Variants in L3MBTL4 observed in about 807,000 individuals in gnomAD.
L3MBTL4 encodes L3MBTL histone methyl-lysine binding protein 4.
L3MBTL4 carries 70 observed loss-of-function variants against 84.5 expected under a neutral mutation model. That is an observed-to-expected ratio of 0.83 (90% CI 0.68 to 1.01). The LOEUF (loss-of-function observed/expected upper bound fraction) is 1.01. Among genes scored for constraint, L3MBTL4 ranks in the 50% least tolerant of loss-of-function variants. L3MBTL4 has a pLI of 0.00. For missense variants in L3MBTL4, 715 were observed against 754.8 expected, an observed-to-expected ratio of 0.95 and a Z score of 0.62; for synonymous variants, 274 against 259.8, an observed-to-expected ratio of 1.05 and a Z score of -0.52.
At chr18:5,994,538 T>G (rs1307498854) in intron 16 of L3MBTL4, among the ~76,000 whole-genome samples, 10 of 152,156 alleles carry the variant, frequency 6.6e-5, no homozygotes, top group Admixed American at 6.5e-4. Context: ...AGGGGTAAAT[T>G]TGCCCACAGT....
chr18:6,120,907 A>ACC (rs2059501094), intron 14 of L3MBTL4, among the ~76,000 whole-genome samples: 1 of 152,182 alleles, frequency 6.6e-6, no homozygotes, highest in Non-Finnish European at 1.5e-5. Context: ...GAGCTATTAT[A>ACC]AATAGCGCTG....
chr18:5,994,687 G>C (rs1301432417), intron 16 of L3MBTL4, among the ~76,000 whole-genome samples: 1 of 152,108 alleles, frequency 6.6e-6, no homozygotes, highest in African/African-American at 2.4e-5. Flanking sequence ...CAGCGACAGA[G>C]AGTTACCTCC....
At chr18:6,269,252 G>A (rs1212972715) in intron 4 of L3MBTL4, among the ~76,000 whole-genome samples, 1 of 152,122 alleles carries the variant, frequency 6.6e-6, no homozygotes, top group Admixed American at 6.5e-5. Context: ...ACGAGGTCAG[G>A]AGATCGAGAC....
At chr18:6,084,049 G>A (rs2058173973) in intron 15 of L3MBTL4, among the ~76,000 whole-genome samples, 1 of 152,178 alleles carries the variant, frequency 6.6e-6, no homozygotes, top group Non-Finnish European at 1.5e-5. Context: ...TTAACATGAA[G>A]TAGGAAATAT....
At chr18:6,249,517 T>C (rs1221731710) in intron 5 of L3MBTL4, among the ~76,000 whole-genome samples, 2 of 152,174 alleles carry the variant, frequency 1.3e-5, no homozygotes, top group African/African-American at 4.8e-5. Flanking sequence ...TCCATAATGT[T>C]GCAAGTAACA....
chr18:6,134,705 G>A (rs1043542065), intron 14 of L3MBTL4, among the ~76,000 whole-genome samples: 20 of 152,228 alleles, frequency 1.3e-4, no homozygotes, highest in African/African-American at 4.6e-4. Context: ...CAACAGGTGG[G>A]TTCCTATGGT....
At chr18:6,075,404 A>G (rs1424822400) in intron 16 of L3MBTL4, among the ~76,000 whole-genome samples, 3 of 152,184 alleles carry the variant, frequency 2.0e-5, no homozygotes, top group African/African-American at 4.8e-5. Flanking sequence ...TATGACAAGT[A>G]TGAACTACTT....
chr18:6,129,549 T>C (rs963842649), intron 14 of L3MBTL4, among the ~76,000 whole-genome samples: 3 of 152,190 alleles, frequency 2.0e-5, no homozygotes, highest in Non-Finnish European at 4.4e-5. Context: ...TAGATTTCTC[T>C]CTGAACATAT....
intron 1 of L3MBTL4, among the ~76,000 whole-genome samples, chr18:6,405,000 A>G (rs761921304): frequency 2.6e-5 from 4 of 151,970 alleles, no homozygotes; most frequent in Non-Finnish European, 5.9e-5. Flanking sequence ...CCAGTTAGCT[A>G]TTTCTTTTTA....
intron 16 of L3MBTL4, among the ~76,000 whole-genome samples, chr18:6,022,344 C>A (rs911509383): frequency 6.6e-6 from 1 of 152,202 alleles, no homozygotes; most frequent in Non-Finnish European, 1.5e-5. Context: ...CCTTCACCTC[C>A]TTTTGCCCAG....
intron 13 of L3MBTL4, among the ~76,000 whole-genome samples, chr18:6,167,028 A>AT (rs1357035267): frequency 6.6e-6 from 1 of 152,224 alleles, no homozygotes; most frequent in Non-Finnish European, 1.5e-5. Context: ...ACAAACTACC[A>AT]TCAGAAAATA....
chr18:6,274,984 T>C (rs566456785), intron 4 of L3MBTL4, among the ~76,000 whole-genome samples: 1 of 152,286 alleles, frequency 6.6e-6, no homozygotes, highest in African/African-American at 2.4e-5. Context: ...AAGACAAAAC[T>C]AGAGGAGGGG....
intron 1 of L3MBTL4, among the ~76,000 whole-genome samples, chr18:6,359,284 A>C (rs1339522010): frequency 6.6e-6 from 1 of 152,078 alleles, no homozygotes; most frequent in Non-Finnish European, 1.5e-5. Flanking sequence ...ACATGGTGAA[A>C]CCCTGTCTCT....
intron 10 of L3MBTL4, among the ~76,000 whole-genome samples, chr18:6,226,611 G>T (rs1177121522): frequency 6.6e-6 from 1 of 152,042 alleles, no homozygotes; most frequent in African/African-American, 2.4e-5. Flanking sequence ...GAAAGAAAAT[G>T]GAAATAAACT....
At chr18:6,271,524 C>T (rs1172150496) in intron 4 of L3MBTL4, among the ~76,000 whole-genome samples, 1 of 152,134 alleles carries the variant, frequency 6.6e-6, no homozygotes, top group Non-Finnish European at 1.5e-5. Context: ...GAGGGACCAG[C>T]GCAGAACGCG....
rs1465708489 is a variant in L3MBTL4, at chr18:6,414,319, G to A, written c.-91+482C>T. On this transcript the variant is annotated intron_variant, in intron 1 of 18. Coordinates refer to ENST00000317931, the MANE Select transcript of L3MBTL4 (RefSeq NM_001330559.2). This position sits in a 1 kb window ranked among gnomAD's most constrained non-coding sequence, Gnocchi z 5.4. Reference sequence around the variant, plus strand: ...ACTTGTCGGCTGAGGGGGACACGCGGGCAGACGGGGGCGTTAGCCCCAGAG... The same window carrying A: ...ACTTGTCGGCTGAGGGGGACACGCGAGCAGACGGGGGCGTTAGCCCCAGAG... The A allele has an allele frequency of 1.3e-5, 2 of 152,480 alleles. No homozygotes were observed. The highest frequency in any genetic ancestry group is 2.4e-5 in the African/African-American group (1 of 41,472). 9.4% of individuals were successfully genotyped at this position (152,480 alleles called of 1,614,324 possible).
intron 4 of L3MBTL4, among the ~76,000 whole-genome samples, chr18:6,274,502 T>C (rs777793279): frequency 2.0e-5 from 3 of 152,142 alleles, no homozygotes; most frequent in Non-Finnish European, 4.4e-5. Context: ...CAAGCTTGAG[T>C]GATTTCTGTT....
intron 1 of L3MBTL4, among the ~76,000 whole-genome samples, chr18:6,356,126 T>G (rs182633072): frequency 6.6e-6 from 1 of 152,348 alleles, no homozygotes; most frequent in Non-Finnish European, 1.5e-5. Flanking sequence ...GGGCTTTCTG[T>G]GTCTGTACCT....
intron 13 of L3MBTL4, among the ~76,000 whole-genome samples, chr18:6,149,493 G>A (rs897175802): frequency 1.3e-5 from 2 of 151,500 alleles, no homozygotes; most frequent in African/African-American, 4.9e-5. Flanking sequence ...ATTGTGAATA[G>A]TGCCGCAATA....
Sources: allele counts gnomAD v4.1 joint callset (sites outside exome capture counted in the v4.1 genomes callset), GRCh38; gene constraint gnomAD v4.1.1; non-coding constraint Gnocchi (gnomAD v3.1); transcripts MANE v1.5; gene names NCBI Gene and HGNC (gene_info 2026-07-23, HGNC 2026-07-21).